Variants in PLEKHA5 observed in about 807,000 individuals in gnomAD.
PLEKHA5 encodes pleckstrin homology domain-containing family A member 5.
A neutral mutation model predicts 181.9 loss-of-function variants in PLEKHA5; 55 were observed. The observed-to-expected ratio is 0.30, with a 90% CI of 0.24 to 0.38. PLEKHA5 has a LOEUF of 0.38. PLEKHA5 is among the 10% of genes least tolerant of loss of function. The pLI, the probability that PLEKHA5 is intolerant of heterozygous loss-of-function variation, is 1.00. For missense variants in PLEKHA5, 1,432 were observed against 1,549.5 expected (o/e 0.92, Z 1.27); for synonymous variants, 535 against 529.4 (o/e 1.01, Z -0.15).
chr12:19,343,265 T>A, intron 21 of PLEKHA5, 58 bp from the exon 22 acceptor site: 1 of 932,906 alleles, frequency 1.1e-6, no homozygotes, highest in South Asian at 1.7e-5. Context: ...TATATAATCA[T>A]TTAACTTCAG....
chr12:19,208,985 AG>A (rs1286462114), intron 3 of PLEKHA5, among the ~76,000 whole-genome samples: 2 of 152,190 alleles, frequency 1.3e-5, no homozygotes, highest in African/African-American at 4.8e-5. Context: ...GAAAAATATG[AG>A]GGGACTTCAA....
intron 3 of PLEKHA5, among the ~76,000 whole-genome samples, chr12:19,211,156 TAG>T (rs974548755): frequency 3.3e-5 from 5 of 152,114 alleles, no homozygotes; most frequent in African/African-American, 1.2e-4. Flanking sequence ...ATGAATAAGA[TAG>T]AGAGTTGCCC....
At chr12:19,237,550 C>T (rs1402809360) in intron 3 of PLEKHA5, among the ~76,000 whole-genome samples, 1 of 151,822 alleles carries the variant, frequency 6.6e-6, no homozygotes, top group African/African-American at 2.4e-5. Context: ...TTAATAGAAG[C>T]TGCTATGTCT....
chr12:19,215,283 T>A (rs2057739446), intron 3 of PLEKHA5, among the ~76,000 whole-genome samples: 1 of 152,234 alleles, frequency 6.6e-6, no homozygotes, highest in African/African-American at 2.4e-5. Context: ...GTTAGCCAGC[T>A]AGCCAAAAGT....
intron 3 of PLEKHA5, chr12:19,205,469 A>G (rs928671048): frequency 5.9e-6 from 4 of 678,812 alleles, no homozygotes; most frequent in Non-Finnish European, 7.3e-6. Flanking sequence ...GTTTTGTTCT[A>G]TTTTGCTCTA....
intron 3 of PLEKHA5, among the ~76,000 whole-genome samples, chr12:19,138,586 AAAG>A (rs1565856079): frequency 1.3e-5 from 2 of 151,696 alleles, no homozygotes; most frequent in Non-Finnish European, 2.9e-5. Flanking sequence ...AAAAAAAAAA[AAAG>A]AAGATGCTAG....
intron 3 of PLEKHA5, among the ~76,000 whole-genome samples, chr12:19,245,230 G>C (rs987895974): frequency 6.6e-6 from 1 of 152,160 alleles, no homozygotes; most frequent in Non-Finnish European, 1.5e-5. Flanking sequence ...TTTGGACCAT[G>C]TGTAAGTTGC....
chr12:19,336,450 T>C, intron 20 of PLEKHA5, 65 bp from the exon 21 acceptor site: 2 of 801,734 alleles, frequency 2.5e-6, no homozygotes, highest in Non-Finnish European at 4.2e-6. Context: ...AAAGTTACAA[T>C]TGGAGTGATA....
intron 3 of PLEKHA5, among the ~76,000 whole-genome samples, chr12:19,234,714 C>T (rs899926931): frequency 1.3e-5 from 2 of 152,166 alleles, no homozygotes; most frequent in Non-Finnish European, 2.9e-5. Context: ...ACAGTGAATA[C>T]ACCTAAACCA....
rs750383023 is a variant in PLEKHA5, at chr12:19,151,382, A to C, written c.227+18932A>C. The C allele has an allele frequency of 8.9e-4, 135 of 152,152 alleles. 2 individuals carry two copies. Among genetic ancestry groups the C allele is most frequent in the Non-Finnish European group, 1.9e-4 (13 of 68,058 alleles). 9.4% of individuals were successfully genotyped at this position (152,152 alleles called of 1,614,324 possible). On this transcript the variant is annotated intron_variant, in intron 3 of 31. Transcript: ENST00000429027. ...AGGTCAGTAGATGGATTGAGAGAGG[A>C]ATTGGAGATAAAGTTAATTTGGGCA...
At position 19,214,531 on chromosome 12, in the gene PLEKHA5, G is replaced by A. The variant is rs573858899; in HGVS notation, c.228-39409G>A. On this transcript the variant is annotated intron_variant, in intron 3 of 31. Transcript: ENST00000429027. ...TACATAGGAGCCAGTAGAGAGAAAA[G>A]GTTGAAGATGGAGGGAAGAGAAGAA... 9.9e-5 allele frequency among the ~76,000 whole-genome samples: 15 copies of A among 152,272 alleles called. No homozygotes were observed. In the South Asian group the frequency reaches 3.1e-3, roughly 32 times the overall value.
At chr12:19,159,730 A>G (rs2042542602) in intron 3 of PLEKHA5, among the ~76,000 whole-genome samples, 2 of 152,176 alleles carry the variant, frequency 1.3e-5, no homozygotes, top group African/African-American at 4.8e-5. Context: ...ATAGGTCTGC[A>G]GGTTTCAGTT....
At chr12:19,134,963 A>C (rs11044431) in intron 3 of PLEKHA5, among the ~76,000 whole-genome samples, 2 of 152,092 alleles carry the variant, frequency 1.3e-5, no homozygotes, top group Non-Finnish European at 2.9e-5. Context: ...TTATTGATCA[A>C]ATTGTATGTA....
intron 26 of PLEKHA5, among the ~76,000 whole-genome samples, chr12:19,357,439 T>A (rs2153228934): frequency 6.6e-6 from 1 of 151,818 alleles, no homozygotes; most frequent in Non-Finnish European, 1.5e-5. Flanking sequence ...AGAGACAGGG[T>A]TTCGCCATGT....
chr12:19,168,240 T>G (rs2045007933), intron 3 of PLEKHA5, among the ~76,000 whole-genome samples: 1 of 152,194 alleles, frequency 6.6e-6, no homozygotes, highest in Admixed American at 6.5e-5. Context: ...GCTGTATTTC[T>G]TTTGAGGTAT....
intron 11 of PLEKHA5, among the ~76,000 whole-genome samples, 195 bp downstream of exon 11, chr12:19,275,178 T>C (rs1044657894): frequency 3.3e-5 from 5 of 152,212 alleles, no homozygotes; most frequent in African/African-American, 1.2e-4. Flanking sequence ...CACCCAACTT[T>C]GCTAATGGCA....
chr12:19,153,723 T>TC (rs1176233359), intron 3 of PLEKHA5: 1 of 152,198 alleles, frequency 6.6e-6, no homozygotes. Context: ...CAGAATAGTT[T>TC]CACCCCCCTA....
chr12:19,259,798 T>C (rs2067909289), intron 6 of PLEKHA5, among the ~76,000 whole-genome samples: 1 of 151,838 alleles, frequency 6.6e-6, no homozygotes, highest in Admixed American at 6.6e-5. Context: ...TTTTTTTTTT[T>C]TTTTTTGGTT....
In PLEKHA5 at chr12:19,200,494, A is replaced by G. The variant is rs948586405; in HGVS notation, c.228-53446A>G. ...TTATCCAGTAGCTTTCCTATTCTCC[A>G]TAACAAATGTTCCAAATCTTTGATT... On this transcript the variant is annotated intron_variant, in intron 3 of 31. Transcript: ENST00000429027. 117 of 1,373,868 alleles carry G rather than the reference A, an allele frequency of 8.5e-5. No individual in the cohort carries two copies. The Admixed American group carries it at 3.3e-3, about 39-fold the overall frequency. 85.1% of individuals were successfully genotyped at this position (1,373,868 alleles called of 1,614,324 possible). A position where few individuals can be genotyped will look rare whatever the true frequency, so the allele number is the denominator to read the frequency against.
Sources: allele counts gnomAD v4.1 joint callset (sites outside exome capture counted in the v4.1 genomes callset), GRCh38; gene constraint gnomAD v4.1.1; transcripts MANE v1.5; gene names NCBI Gene and HGNC (gene_info 2026-07-23, HGNC 2026-07-21).